NTRK3: variants seen among roughly 807,000 people sequenced by gnomAD.
The protein encoded by NTRK3 is NT-3 growth factor receptor.
Under a neutral mutation model 91.7 loss-of-function variants are expected in NTRK3, and 24 were observed. That is an observed-to-expected ratio of 0.26 (90% CI 0.19 to 0.37). NTRK3 has a LOEUF of 0.37. NTRK3 is among the 10% of genes least tolerant of loss of function. NTRK3 has a pLI of 1.00. For missense variants in NTRK3, 880 were observed against 1,068.9 expected (o/e 0.82, Z 2.46); for synonymous variants, 483 against 404.0 (o/e 1.20, Z -2.34).
chr15:88,006,491 T>C (rs1306951843), intron 14 of NTRK3, among the ~76,000 whole-genome samples: 4 of 152,172 alleles, frequency 2.6e-5, no homozygotes, highest in Non-Finnish European at 4.4e-5. Context: ...TGAAAAGGGA[T>C]TGCTGGTGGC....
At chr15:87,892,344 A>T (rs964680158) in intron 17 of NTRK3, among the ~76,000 whole-genome samples, 1 of 152,216 alleles carries the variant, frequency 6.6e-6, no homozygotes, top group Non-Finnish European at 1.5e-5. Flanking sequence ...CTGAGAGAAG[A>T]TTGAAAGTAA....
intron 17 of NTRK3, among the ~76,000 whole-genome samples, chr15:87,924,901 C>T (rs2141869476): frequency 6.6e-6 from 1 of 152,266 alleles, no homozygotes; most frequent in Non-Finnish European, 1.5e-5. Context: ...TCCCATTCCC[C>T]CCTCATTCCA....
intron 14 of NTRK3, among the ~76,000 whole-genome samples, chr15:88,017,757 A>G (rs952623273): frequency 6.6e-6 from 1 of 152,056 alleles, no homozygotes; most frequent in Non-Finnish European, 1.5e-5. Context: ...TCTCTGTCAA[A>G]CCAGCCATGA....
chr15:87,906,332 C>T (rs1213130061), intron 17 of NTRK3, among the ~76,000 whole-genome samples: 2 of 152,202 alleles, frequency 1.3e-5, no homozygotes, highest in African/African-American at 4.8e-5. Context: ...TCCGTTACCC[C>T]ACAGAAAGGC....
At chr15:87,953,035 C>A (rs1042973349) in intron 14 of NTRK3, among the ~76,000 whole-genome samples, 2 of 152,216 alleles carry the variant, frequency 1.3e-5, no homozygotes, top group Non-Finnish European at 2.9e-5. Flanking sequence ...ATGCTTCCCC[C>A]TGTCGAAGCC....
At chr15:87,893,932 T>G (rs2065973711) in intron 17 of NTRK3, among the ~76,000 whole-genome samples, 1 of 152,196 alleles carries the variant, frequency 6.6e-6, no homozygotes. Flanking sequence ...AAGCAACTCA[T>G]CTACTTTGGA....
intron 17 of NTRK3, among the ~76,000 whole-genome samples, chr15:87,883,373 T>C (rs1196904737): frequency 3.4e-5 from 5 of 148,122 alleles, no homozygotes; most frequent in Non-Finnish European, 6.0e-5. Context: ...TAAAAATATA[T>C]AGAAATAATA....
chr15:88,167,267 A>G (rs1376860776), intron 5 of NTRK3, among the ~76,000 whole-genome samples: 4 of 152,184 alleles, frequency 2.6e-5, no homozygotes, highest in African/African-American at 9.7e-5. Flanking sequence ...AAAGGAAACT[A>G]AAAGAGACAG....
rs751327117 is a variant in NTRK3 at position 87,933,107 on chromosome 15, C to T, written c.1794G>A (p.Glu598=). ...ACACTCCATAGAACTTGACAATGTG[C>T]TCATGCTGCAGGTTGGTGAGCAGCT... The change falls in exon 16 of 19, where the codon GAG becomes GAA. Residue 598 remains glutamate (E), a synonymous_variant. Coordinates refer to ENST00000394480, the Ensembl canonical transcript of NTRK3. The T allele has an allele frequency of 3.1e-6, 5 of 1,614,016 alleles. No homozygotes were observed. The Admixed American group carries it at 8.3e-5, about 27-fold the overall frequency.
intron 14 of NTRK3, among the ~76,000 whole-genome samples, chr15:88,021,330 C>T (rs554587562): frequency 2.6e-5 from 4 of 152,216 alleles, no homozygotes; most frequent in African/African-American, 9.7e-5. Flanking sequence ...AGTGACCACA[C>T]CTGCTGGGGA....
intron 15 of NTRK3, among the ~76,000 whole-genome samples, chr15:87,934,590 G>C (rs3784435): frequency 6.6e-6 from 1 of 151,910 alleles, no homozygotes; most frequent in Non-Finnish European, 1.5e-5. Context: ...AGGTGTATCT[G>C]GGGGGGTCCA....
At chr15:87,921,209 G>A (rs534251096) in intron 17 of NTRK3, among the ~76,000 whole-genome samples, 8 of 152,272 alleles carry the variant, frequency 5.3e-5, no homozygotes, top group Admixed American at 2.6e-4. Context: ...TAAATAGGAC[G>A]ATGGTTAAAG....
intron 14 of NTRK3, among the ~76,000 whole-genome samples, chr15:88,005,723 C>G (rs535560213): frequency 1.3e-5 from 2 of 152,216 alleles, no homozygotes; most frequent in East Asian, 3.9e-4. Flanking sequence ...CCTCTCTTAC[C>G]AAAATAAGCC....
chr15:88,092,590 C>G (rs899068264), intron 13 of NTRK3, among the ~76,000 whole-genome samples: 1 of 152,214 alleles, frequency 6.6e-6, no homozygotes, highest in Non-Finnish European at 1.5e-5. Context: ...GCTGCTGTAA[C>G]AAATTCCCAC....
intron 17 of NTRK3, 59 bp downstream of exon 18, chr15:87,885,635 G>C (rs2141514257): frequency 1.2e-6 from 1 of 868,530 alleles, no homozygotes; most frequent in African/African-American, 1.8e-5. Flanking sequence ...CAATGGCTTA[G>C]TAATTAAAGT....
chr15:88,198,456 C>T (rs962096018), intron 3 of NTRK3, among the ~76,000 whole-genome samples: 2 of 152,156 alleles, frequency 1.3e-5, no homozygotes, highest in Non-Finnish European at 2.9e-5. Flanking sequence ...TCTTCCTCTC[C>T]CCTAAGCTTT....
intron 6 of NTRK3, among the ~76,000 whole-genome samples, chr15:88,144,587 G>A (rs995534360): frequency 4.7e-5 from 7 of 149,178 alleles, no homozygotes; most frequent in Non-Finnish European, 9.0e-5. Context: ...ACAGCAGATC[G>A]GGGTAGTGAT....
rs2066260667 is a variant in NTRK3 at position 87,898,456 on chromosome 15, G to A, written c.2134-18028C>T. On this transcript the variant is annotated intron_variant, in intron 17 of 18. Transcript: ENST00000394480. The stretch of plus-strand genomic sequence containing the variant: ...AGCGGGGCTTAGACACTCAGGAGGA[G>A]CAGCTAAAGTGAATTTTGAAGACAA... Among the ~76,000 whole-genome samples, 4 of 152,160 alleles carry A rather than the reference G, an allele frequency of 2.6e-5. No homozygotes were observed. The South Asian group carries it at 8.3e-4, about 32-fold the overall frequency.
intron 3 of NTRK3, among the ~76,000 whole-genome samples, chr15:88,204,760 G>C (rs2048598266): frequency 6.6e-6 from 1 of 152,228 alleles, no homozygotes. Flanking sequence ...GAAGGGAAGC[G>C]AGGCTGCAGT....
Sources: allele counts gnomAD v4.1 joint callset (sites outside exome capture counted in the v4.1 genomes callset), GRCh38; gene constraint gnomAD v4.1.1; transcripts MANE v1.5; gene names NCBI Gene and HGNC (gene_info 2026-07-23, HGNC 2026-07-21).